Variants in BABAM2 observed in about 807,000 individuals in gnomAD.
BABAM2 encodes BRISC and BRCA1-A complex member 2.
Under a neutral mutation model 54.7 loss-of-function variants are expected in BABAM2, and 31 were observed. That is an observed-to-expected ratio of 0.57 (90% CI 0.43 to 0.77). The LOEUF (loss-of-function observed/expected upper bound fraction) is 0.77. Among genes scored for constraint, BABAM2 ranks in the 30% least tolerant of loss-of-function variants. The pLI is 0.00. For missense variants in BABAM2, 364 were observed against 455.8 expected (o/e 0.80, Z 1.83); for synonymous variants, 167 against 162.9 (o/e 1.03, Z -0.19).
chr2:27,954,417 A>G (rs777197788), intron 3 of BABAM2, among the ~76,000 whole-genome samples: 1 of 152,204 alleles, frequency 6.6e-6, no homozygotes, highest in Non-Finnish European at 1.5e-5. Context: ...GGCCTCAGCA[A>G]CTCACTGATG....
intron 10 of BABAM2, among the ~76,000 whole-genome samples, chr2:28,272,817 C>G (rs1685536719): frequency 6.6e-6 from 1 of 152,180 alleles, no homozygotes; most frequent in South Asian, 2.1e-4. Flanking sequence ...AAGGGAGCAC[C>G]TCCCTCTGCG....
At chr2:28,148,421 G>C (rs1671707689) in intron 7 of BABAM2, among the ~76,000 whole-genome samples, 1 of 152,194 alleles carries the variant, frequency 6.6e-6, no homozygotes, top group Non-Finnish European at 1.5e-5. Flanking sequence ...AACGTGTTTT[G>C]CCATGGAAAC....
At chr2:27,890,320 C>G (rs1433506955), upstream of BABAM2, 1 of 1,613,836 alleles carries the variant, frequency 6.2e-7, no homozygotes, top group Non-Finnish European at 8.5e-7. This position sits in a 1 kb window ranked among gnomAD's most constrained non-coding sequence, Gnocchi z 4.8. Flanking sequence ...TTGCCACTGC[C>G]TCTGGGGTTC....
At chr2:28,088,739 G>C (rs1665898472) in intron 6 of BABAM2, among the ~76,000 whole-genome samples, 1 of 152,200 alleles carries the variant, frequency 6.6e-6, no homozygotes, top group African/African-American at 2.4e-5. Flanking sequence ...GTATTGCTGA[G>C]GTTGTGAGCT....
intron 10 of BABAM2, among the ~76,000 whole-genome samples, chr2:28,275,379 G>A (rs1685790593): frequency 6.6e-6 from 1 of 152,196 alleles, no homozygotes; most frequent in African/African-American, 2.4e-5. Context: ...CAGTATTGCT[G>A]CCCAGGTTGT....
chr2:28,138,155 G>A (rs1171656110), intron 7 of BABAM2, among the ~76,000 whole-genome samples: 4 of 152,174 alleles, frequency 2.6e-5, no homozygotes, highest in Non-Finnish European at 5.9e-5. Context: ...GGTCTGAGAT[G>A]CAAAGTGCTA....
chr2:28,017,055 C>T (rs1353135223), intron 4 of BABAM2, among the ~76,000 whole-genome samples: 1 of 152,124 alleles, frequency 6.6e-6, no homozygotes, highest in South Asian at 2.1e-4. Flanking sequence ...TTTCTCCCAT[C>T]CTCAAATTCA....
At chr2:27,986,167 C>T (rs1019885167) in intron 3 of BABAM2, among the ~76,000 whole-genome samples, 3 of 152,082 alleles carry the variant, frequency 2.0e-5, no homozygotes, top group Non-Finnish European at 4.4e-5. Context: ...GCTTTTACTC[C>T]ATTTGATATT....
At chr2:28,315,779 C>T (rs987596286) in intron 11 of BABAM2, among the ~76,000 whole-genome samples, 8 of 151,900 alleles carry the variant, frequency 5.3e-5, no homozygotes, top group South Asian at 2.1e-4. Context: ...AGGCATAAGC[C>T]GCCTCACCCA....
intron 11 of BABAM2, among the ~76,000 whole-genome samples, chr2:28,320,431 C>T (rs904960650): frequency 2.6e-5 from 4 of 152,208 alleles, no homozygotes; most frequent in Non-Finnish European, 5.9e-5. Flanking sequence ...TCAGCGCTGT[C>T]GCACACTCTG....
chr2:28,197,632 G>A, intron 7 of BABAM2, among the ~76,000 whole-genome samples: 1 of 152,188 alleles, frequency 6.6e-6, no homozygotes, highest in South Asian at 2.1e-4. Flanking sequence ...GTCTGTTACA[G>A]CCATAGTAGA....
intron 8 of BABAM2, among the ~76,000 whole-genome samples, chr2:28,238,280 T>C (rs900445952): frequency 6.6e-6 from 1 of 152,220 alleles, no homozygotes; most frequent in African/African-American, 2.4e-5. Context: ...AGAATATACT[T>C]GTTAATGTCC....
At chr2:28,141,136 G>A (rs1427997365) in intron 7 of BABAM2, among the ~76,000 whole-genome samples, 2 of 152,082 alleles carry the variant, frequency 1.3e-5, no homozygotes, top group Non-Finnish European at 2.9e-5. Context: ...TGCATTGGGG[G>A]TTAGGGCTTC....
intron 6 of BABAM2, among the ~76,000 whole-genome samples, chr2:28,080,506 A>G (rs928017010): frequency 5.9e-5 from 9 of 152,164 alleles, no homozygotes; most frequent in Non-Finnish European, 1.3e-4. Flanking sequence ...CTCTAGATAT[A>G]ATGAGAGAGA....
chr2:27,980,191 A>G (rs975532906), intron 3 of BABAM2, among the ~76,000 whole-genome samples: 5 of 152,128 alleles, frequency 3.3e-5, no homozygotes, highest in Non-Finnish European at 7.4e-5. Flanking sequence ...ACCTCGCCTT[A>G]TAGCACCTCT....
chr2:28,011,944 A>G (rs1229399640), intron 4 of BABAM2, among the ~76,000 whole-genome samples: 2 of 152,172 alleles, frequency 1.3e-5, no homozygotes, highest in Non-Finnish European at 2.9e-5. Flanking sequence ...GATTTAAATA[A>G]TTTGCTCCAA....
Position 28,090,539 on chromosome 2 carries a change from G to A in BABAM2, c.571-38732G>A, listed in dbSNP as rs548115135. On this transcript the variant is annotated intron_variant, in intron 6 of 11. Coordinates refer to ENST00000379624, the MANE Select transcript of BABAM2 (RefSeq NM_199191.3). Reference sequence around the variant, plus strand: ...TTACAGGTGTGAGCCACTGCACCCAGCAGTTTCTAGCTGTTGTTTTCATGT... The same window carrying A: ...TTACAGGTGTGAGCCACTGCACCCAACAGTTTCTAGCTGTTGTTTTCATGT... Among the ~76,000 whole-genome samples the A allele has an allele frequency of 3.3e-5, 5 of 152,312 alleles. No individual in the cohort carries two copies. In the South Asian group the frequency reaches 1.0e-3, roughly 32 times the overall value.
At chr2:28,136,646 A>T (rs541240618) in intron 7 of BABAM2, among the ~76,000 whole-genome samples, 2 of 152,176 alleles carry the variant, frequency 1.3e-5, no homozygotes, top group Non-Finnish European at 2.9e-5. Context: ...CGGTTTATCA[A>T]CTGAATCCTG....
chr2:28,248,207 C>CTTTTTCTTTTTTTTTTTTTTTTTTTTTT (rs1553349503), intron 10 of BABAM2, among the ~76,000 whole-genome samples: 2 of 54,306 alleles, frequency 3.7e-5, no homozygotes, highest in African/African-American at 1.3e-4. Context: ...TTTTCTTTTT[C>CTTTTTCTTTTTTTTTTTTTTTTTTTTTT]TTTTTTTTTT....
Sources: gnomAD v4.1 joint callset for allele counts (sites outside exome capture counted in the v4.1 genomes callset) on GRCh38, gnomAD v4.1.1 for gene constraint, Gnocchi (gnomAD v3.1) non-coding constraint, MANE v1.5 for transcripts, NCBI Gene and HGNC (gene_info 2026-07-23, HGNC 2026-07-21) for gene names.